The following PPP1R12A variants were observed in gnomAD, a reference collection of about 807,000 sequenced individuals.
PPP1R12A encodes the protein myosin binding subunit.
PPP1R12A carries 19 observed loss-of-function variants against 139.6 expected under a neutral mutation model. The ratio of observed to expected loss-of-function variants is 0.14; its 90% confidence interval spans 0.09 to 0.20. PPP1R12A has a LOEUF of 0.20. Ranked by LOEUF, PPP1R12A falls within the 10% of genes least tolerant of loss-of-function variation. The probability of loss-of-function intolerance (pLI) is 1.00; values close to 1 mark genes in which losing one functional copy is unlikely to be tolerated. For missense variants in PPP1R12A, 925 were observed against 1,211.5 expected (o/e 0.76, Z 3.51); for synonymous variants, 427 against 420.6 (o/e 1.02, Z -0.19).
intron 1 of PPP1R12A, among the ~76,000 whole-genome samples, chr12:79,895,052 T>C (rs1885011933): frequency 6.6e-6 from 1 of 152,190 alleles, no homozygotes; most frequent in Admixed American, 6.5e-5. Context: ...TGCTTACGTG[T>C]GTGGATTCTA....
intron 16 of PPP1R12A, 105 bp downstream of exon 16, chr12:79,797,090 C>T: frequency 7.6e-7 from 1 of 1,322,440 alleles, no homozygotes; most frequent in South Asian, 1.5e-5. Flanking sequence ...AAATCCTTTA[C>T]AGTATTTTGC....
chr12:79,890,181 A>G (rs1884459310), intron 1 of PPP1R12A, among the ~76,000 whole-genome samples: 1 of 152,226 alleles, frequency 6.6e-6, no homozygotes, highest in South Asian at 2.1e-4. Flanking sequence ...ATTGAATAAA[A>G]TAAGAGATCA....
intron 2 of PPP1R12A, among the ~76,000 whole-genome samples, chr12:79,867,602 G>A (rs574562692): frequency 6.6e-6 from 1 of 152,100 alleles, no homozygotes; most frequent in Admixed American, 6.5e-5. Flanking sequence ...AGTACATAAG[G>A]AGAAATAATA....
intron 1 of PPP1R12A, among the ~76,000 whole-genome samples, chr12:79,919,554 CAA>C (rs111334718): frequency 1.7e-4 from 19 of 112,028 alleles, no homozygotes; most frequent in Admixed American, 6.6e-4. Flanking sequence ...GACTCCATCT[CAA>C]AAAAAAAAAA....
At chr12:79,932,538 C>A (rs769985703) in intron 1 of PPP1R12A, among the ~76,000 whole-genome samples, 1 of 152,130 alleles carries the variant, frequency 6.6e-6, no homozygotes, top group Non-Finnish European at 1.5e-5. Flanking sequence ...ATTATCGGGT[C>A]AAACCCACAC....
At chr12:79,875,088 C>T (rs541163425) in intron 1 of PPP1R12A, among the ~76,000 whole-genome samples, 176 of 152,202 alleles carry the variant, frequency 1.2e-3, no homozygotes, top group Non-Finnish European at 1.2e-3. Flanking sequence ...CTTATTTATA[C>T]CTATGTTCTA....
chr12:79,802,910 A>G (rs1177548899), intron 14 of PPP1R12A, among the ~76,000 whole-genome samples: 3 of 152,254 alleles, frequency 2.0e-5, no homozygotes. Context: ...TATTTAGTGT[A>G]TAACAGAGAA....
chr12:79,856,272 C>G (rs1880643773), intron 2 of PPP1R12A, among the ~76,000 whole-genome samples: 1 of 152,236 alleles, frequency 6.6e-6, no homozygotes, highest in African/African-American at 2.4e-5. Flanking sequence ...GCTACCCTCT[C>G]CATATTCCAC....
At chr12:79,777,584 C>T (rs1869888827) in intron 24 of PPP1R12A, 6 of 985,138 alleles carry the variant, frequency 6.1e-6, no homozygotes, top group Non-Finnish European at 7.2e-6. Flanking sequence ...TTGTCAAGGC[C>T]CTATTCTCAG....
chr12:79,832,567 A>T, intron 3 of PPP1R12A, 76 bp from the exon 4 acceptor site: 1 of 1,360,782 alleles, frequency 7.3e-7, no homozygotes, highest in African/African-American at 1.5e-5. Context: ...TATCCAAAAC[A>T]TGTCAAGTTT....
intron 22 of PPP1R12A, among the ~76,000 whole-genome samples, chr12:79,783,295 C>CA (rs5799441): frequency 0.8 from 93,539 of 117,028 alleles, 38,697 homozygotes; most frequent in Non-Finnish European, 0.91. Context: ...CCGTCTCTAC[C>CA]AAAAAAAAAA....
At chr12:79,883,318 G>A (rs1030280741) in intron 1 of PPP1R12A, among the ~76,000 whole-genome samples, 3 of 151,890 alleles carry the variant, frequency 2.0e-5, no homozygotes, top group South Asian at 2.1e-4. Flanking sequence ...AATAGACTAC[G>A]GTATAGCATA....
rs1252544098 is a variant in PPP1R12A, at chr12:79,934,736, T to C, written c.196A>G (p.Ile66Val). The C allele has an allele frequency of 1.3e-6, 2 of 1,549,858 alleles. No individual in the cohort carries two copies. Among genetic ancestry groups the C allele is most frequent in the Non-Finnish European group, 1.7e-6 (2 of 1,145,952 alleles). Reference protein sequence around the residue: ...VLKLLHRGADINYANVDGLTA... With the variant: ...VLKLLHRGADVNYANVDGLTA... ...AGTCCGTCCACATTGGCGTAATTGA[T>C]GTCGGCGCCGCGGTGCAGCAGCTTG... The change falls in exon 1 of 25, where the codon ATC (isoleucine) becomes GTC (valine). Residue 66 changes from isoleucine (I) to valine (V), a missense_variant. Ile to Val is a conservative substitution (Grantham distance 29). Around this residue, in one of 4 missense-constraint regions of PPP1R12A, gnomAD observed 199 missense variants for 352.4 expected, o/e 0.56. Coordinates refer to ENST00000450142, the MANE Select transcript of PPP1R12A (RefSeq NM_002480.3).
intron 1 of PPP1R12A, among the ~76,000 whole-genome samples, chr12:79,929,492 A>G (rs1592850869): frequency 6.6e-6 from 1 of 152,318 alleles, no homozygotes; most frequent in East Asian, 1.9e-4. Context: ...TAGGCCGGCC[A>G]CAGTGGCTCA....
intron 20 of PPP1R12A, among the ~76,000 whole-genome samples, chr12:79,789,914 G>A (rs1376762322): frequency 6.6e-6 from 1 of 151,664 alleles, no homozygotes; most frequent in Non-Finnish European, 1.5e-5. Flanking sequence ...CCAGCAGCTA[G>A]AAATAGAGGA....
chr12:79,828,943 C>G (rs536572378), intron 4 of PPP1R12A, among the ~76,000 whole-genome samples: 1 of 152,174 alleles, frequency 6.6e-6, no homozygotes, highest in South Asian at 2.1e-4. Flanking sequence ...TGTAATATTT[C>G]TGTTGCCTTG....
At chr12:79,830,598 C>T (rs1228215931) in intron 4 of PPP1R12A, among the ~76,000 whole-genome samples, 1 of 152,198 alleles carries the variant, frequency 6.6e-6, no homozygotes, top group Non-Finnish European at 1.5e-5. Flanking sequence ...CCTTTTCCTA[C>T]ACCCTGTCAA....
chr12:79,822,089 T>C (rs781211068), intron 6 of PPP1R12A, 27 bp downstream of exon 6: 42 of 1,377,592 alleles, frequency 3.0e-5, no homozygotes, highest in Admixed American at 9.8e-5. Flanking sequence ...GTAAGTAATA[T>C]AGGCAATTAT....
chr12:79,777,722 T>C, intron 24 of PPP1R12A: 1 of 829,420 alleles, frequency 1.2e-6, no homozygotes, highest in Non-Finnish European at 1.5e-6. Context: ...AATAAGAATG[T>C]AATCACAGGT....
Sources: allele counts gnomAD v4.1 joint callset (sites outside exome capture counted in the v4.1 genomes callset), GRCh38; gene constraint gnomAD v4.1.1; regional missense constraint gnomAD v4.1.1; transcripts MANE v1.5; gene names NCBI Gene and HGNC (gene_info 2026-07-23, HGNC 2026-07-21).